LRRK2: variants seen among roughly 807,000 people sequenced by gnomAD.
LRRK2 encodes leucine rich repeat kinase 2.
A neutral mutation model predicts 302.6 loss-of-function variants in LRRK2; 203 were observed. The ratio of observed to expected loss-of-function variants is 0.67; its 90% CI spans 0.60 to 0.75. The LOEUF (loss-of-function observed/expected upper bound fraction) is 0.75. Among genes scored for constraint, LRRK2 ranks in the 30% least tolerant of loss-of-function variants. The pLI, the probability that LRRK2 is intolerant of heterozygous loss-of-function variation, is 0.00. For synonymous variants in LRRK2, 1,066 were observed against 1,031.9 expected (o/e 1.03, Z -0.63); for missense variants, 2,830 against 2,951.0 (o/e 0.96, Z 0.95).
Position 40,323,313 on chromosome 12 carries a change from C to A in LRRK2, c.5656+7C>A. On this transcript the variant is annotated splice_region_variant and intron_variant, in intron 38 of 50. Coordinates refer to ENST00000298910, the MANE Select transcript of LRRK2 (RefSeq NM_198578.4). ...GCTCCAGAGTTTCTCCTAGGTAATTCTTTTTGTTAATTTGAGAATAAAAAT... is the reference window on the plus strand; with the variant it reads ...GCTCCAGAGTTTCTCCTAGGTAATTATTTTTGTTAATTTGAGAATAAAAAT... 6.2e-7 allele frequency: 1 copy of A among 1,604,850 alleles called. No individual in the cohort carries two copies. The highest frequency in any genetic ancestry group is 8.5e-7 in the Non-Finnish European group (1 of 1,174,506).
chr12:40,257,375 A>G lies in LRRK2; in HGVS notation c.1416A>G (p.Gly472=). The part of the protein sequence containing the change: ...GCKMLNHLFE[G]SNTSLDIMAA... ...AAATGCTAAATCATCTTTTTGAAGGAAGGTAATATAGATTCATTAACTTGT... is the reference window on the plus strand; with the variant it reads ...AAATGCTAAATCATCTTTTTGAAGGGAGGTAATATAGATTCATTAACTTGT... Residue 472 remains glycine (G), a splice_region_variant and synonymous_variant, in exon 12 of 51, where the codon GGA becomes GGG. Transcript: ENST00000298910. The G allele has an allele frequency of 6.2e-7, 1 of 1,612,436 alleles. No individual in the cohort carries two copies. The highest frequency in any genetic ancestry group is 2.2e-5 in the East Asian group (1 of 44,720).
At chr12:40,346,142 T>C (rs953129161) in intron 41 of LRRK2, among the ~76,000 whole-genome samples, 2 of 152,184 alleles carry the variant, frequency 1.3e-5, no homozygotes, top group Non-Finnish European at 2.9e-5. Context: ...ATAAAATATT[T>C]ATTTCCCCTT....
At chr12:40,348,801 A>T (rs966042327) in intron 43 of LRRK2, among the ~76,000 whole-genome samples, 3 of 152,030 alleles carry the variant, frequency 2.0e-5, no homozygotes, top group African/African-American at 7.2e-5. Flanking sequence ...ATCAGAAAAA[A>T]ATTTTTATAT....
chr12:40,264,783 A>G (rs929309817), intron 14 of LRRK2, among the ~76,000 whole-genome samples: 4 of 152,234 alleles, frequency 2.6e-5, no homozygotes, highest in African/African-American at 9.6e-5. Context: ...TAATTAAAGT[A>G]TCCATAAATC....
intron 13 of LRRK2, among the ~76,000 whole-genome samples, chr12:40,260,795 G>A (rs561685084): frequency 1.3e-5 from 2 of 152,220 alleles, no homozygotes; most frequent in Middle Eastern, 6.8e-3. Context: ...AGATGAGAGG[G>A]CAGATTGGAC....
chr12:40,238,047 C>A lies in LRRK2; in HGVS notation c.515C>A (p.Ala172Asp). 1 of 1,613,566 alleles carries A rather than the reference C, an allele frequency of 6.2e-7. No individual in the cohort carries two copies. The highest frequency in any genetic ancestry group is 1.7e-5 in the Admixed American group (1 of 60,000). Residue 172 changes from alanine to aspartate, a missense_variant, in exon 5 of 51, where the codon GCC (alanine) becomes GAC (aspartate). By Grantham distance (126) the Ala-to-Asp change is moderately radical (BLOSUM62 -2). Around this residue, in one of 3 missense-constraint regions of LRRK2, gnomAD observed 2,121 missense variants for 2,148.0 expected, o/e 0.99. Transcript: ENST00000298910. ...TTTGATGCCATGCACTCATTTCCAG[C>A]CAATGATGAAGTCCAGAAACTTGGA... ...LIFDAMHSFP[A>D]NDEVQKLGCK... is the part of the protein sequence containing the mutation.
chr12:40,304,226 A>G (rs1258791574), intron 27 of LRRK2, 92 bp downstream of exon 27: 4 of 1,222,070 alleles, frequency 3.3e-6, no homozygotes, highest in Non-Finnish European at 4.7e-6. Context: ...CTAAATACCA[A>G]TTTCATGAAA....
intron 5 of LRRK2, 107 bp downstream of exon 5, chr12:40,238,210 A>C: frequency 2.6e-6 from 3 of 1,159,210 alleles, no homozygotes; most frequent in Admixed American, 4.8e-5. Flanking sequence ...AAATCCTACT[A>C]TTTATTAAGA....
intron 18 of LRRK2, among the ~76,000 whole-genome samples, chr12:40,278,906 A>T (rs1271957150): frequency 6.6e-6 from 1 of 152,162 alleles, no homozygotes; most frequent in Non-Finnish European, 1.5e-5. Context: ...TTCTTTTGTC[A>T]GTCTATGAAA....
intron 38 of LRRK2, 80 bp downstream of exon 38, chr12:40,323,386 A>G (rs749849995): frequency 1.6e-4 from 195 of 1,214,018 alleles, no homozygotes; most frequent in Non-Finnish European, 2.2e-4. Context: ...TTTCATAATT[A>G]TATTGTCATA....
In LRRK2 at chr12:40,235,650, T is replaced by TCATA. The variant is rs767344025; in HGVS notation, c.373_376dup (p.Asn126ThrfsTer2). 1 of 1,608,084 alleles carries TCATA rather than the reference T, an allele frequency of 6.2e-7. No homozygotes were observed. Among genetic ancestry groups the TCATA allele is most frequent in the Non-Finnish European group, 8.5e-7 (1 of 1,174,534 alleles). ...GATTGATTCTTAAAATGCTAACAGT[T>TCATA]CATAATGCCAGTGTAAACTTGTCAG... On this transcript the variant is annotated frameshift_variant, in exon 4 of 51. Transcript: ENST00000298910. LOFTEE classifies it high-confidence loss of function.
At position 40,367,822 on chromosome 12, in the gene LRRK2, T is replaced by TATAAA; in HGVS notation, c.*57_*58insATAAA. ...AATTATTCTCTCCTCTTGTAAATAT[T>TATAAA]TATTTTAAAAATGTTCACATGGAAA... On this transcript the variant is annotated 3_prime_UTR_variant, in exon 51 of 51. Transcript: ENST00000298910. 6.5e-7 allele frequency: 1 copy of TATAAA among 1,540,310 alleles called. No individual in the cohort carries two copies. The highest frequency in any genetic ancestry group is 8.8e-7 in the Non-Finnish European group (1 of 1,134,730).
At chr12:40,271,970 A>G (rs376348171) in intron 14 of LRRK2, among the ~76,000 whole-genome samples, 1 of 152,172 alleles carries the variant, frequency 6.6e-6, no homozygotes, top group East Asian at 1.9e-4. Flanking sequence ...GAGGACAGAG[A>G]TAGGTGCTTT....
chr12:40,328,365 G>T lies in LRRK2; in HGVS notation c.5662G>T (p.Gly1888Cys). ...TTGTATTTTCTTTTCAAAAGGTGAT[G>T]GCAGTTTTGGATCAGTTTACCGAGC... ...EQAPEFLLGD[G>C]SFGSVYRAAY... Residue 1888 changes from glycine (G) to cysteine (C), a missense_variant, in exon 39 of 51, where the codon GGC (glycine) becomes TGC (cysteine). By Grantham distance (159) the Gly-to-Cys change is radical. This residue lies in a region of LRRK2 where 253 missense variants were observed against 346.7 expected (regional missense o/e 0.73). Coordinates refer to ENST00000298910, the MANE Select transcript of LRRK2 (RefSeq NM_198578.4). 6.2e-7 allele frequency: 1 copy of T among 1,613,450 alleles called. No homozygotes were observed. Among genetic ancestry groups the T allele is most frequent in the South Asian group, 1.1e-5 (1 of 91,040 alleles).
chr12:40,364,689 T>C (rs1316384509), intron 48 of LRRK2, among the ~76,000 whole-genome samples, 153 bp from the exon 49 acceptor site: 1 of 151,978 alleles, frequency 6.6e-6, no homozygotes, highest in Non-Finnish European at 1.5e-5. Context: ...GGCATCTGTA[T>C]TTAGCAAAAT....
At position 40,225,357 on chromosome 12, in the gene LRRK2, C is replaced by T. The variant is rs542966339; in HGVS notation, c.151+75C>T. On this transcript the variant is annotated intron_variant, in intron 1 of 50. Transcript: ENST00000298910. ...CCTCCTTACATTTGCAAATTTTGTCCTCCTCCCCTTGACCCTGCTCAAACC... is the reference window on the plus strand; with the variant it reads ...CCTCCTTACATTTGCAAATTTTGTCTTCCTCCCCTTGACCCTGCTCAAACC... 21 of 1,548,698 alleles carry T rather than the reference C, an allele frequency of 1.4e-5. No individual in the cohort carries two copies. The South Asian group carries it at 2.1e-4, about 15-fold the overall frequency.
In LRRK2 at chr12:40,284,000, G is replaced by T; in HGVS notation, c.2367G>T (p.Leu789Phe). The T allele has an allele frequency of 6.2e-7, 1 of 1,614,030 alleles. No homozygotes were observed. Among genetic ancestry groups the T allele is most frequent in the Non-Finnish European group, 8.5e-7 (1 of 1,179,920 alleles). The change falls in exon 19 of 51, where the codon TTG (leucine) becomes TTT (phenylalanine). Residue 789 changes from leucine to phenylalanine, a missense_variant. Leu to Phe is a conservative substitution (Grantham distance 22, BLOSUM62 0). Around this residue, in one of 3 missense-constraint regions of LRRK2, gnomAD observed 2,121 missense variants for 2,148.0 expected, o/e 0.99. Coordinates refer to ENST00000298910, the MANE Select transcript of LRRK2 (RefSeq NM_198578.4). Reference sequence around the variant, plus strand: ...AAGGTGACAGCCAGATCATCAGCTTGCTCTTAAGGAGGCTGGCCCTGGATG... The same window carrying T: ...AAGGTGACAGCCAGATCATCAGCTTTCTCTTAAGGAGGCTGGCCCTGGATG... ...IGKGDSQIIS[L>F]LLRRLALDVA...
At chr12:40,353,850 G>A (rs942230890) in intron 44 of LRRK2, among the ~76,000 whole-genome samples, 47 of 152,234 alleles carry the variant, frequency 3.1e-4, no homozygotes, top group African/African-American at 7.5e-4. Context: ...CAGGCGTGGC[G>A]GCGCACGCCT....
chr12:40,323,342 G>C, intron 38 of LRRK2, 36 bp downstream of exon 38: 1 of 1,550,926 alleles, frequency 6.4e-7, no homozygotes, highest in South Asian at 1.2e-5. Flanking sequence ...TAAAAATTAG[G>C]ATGTAATTTT....
Sources: gnomAD v4.1 joint callset for allele counts (sites outside exome capture counted in the v4.1 genomes callset) on GRCh38, gnomAD v4.1.1 for gene constraint, gnomAD v4.1.1 regional missense constraint, MANE v1.5 for transcripts, NCBI Gene and HGNC (gene_info 2026-07-23, HGNC 2026-07-21) for gene names.